The following PAK3 variants were observed in gnomAD, a reference collection of about 807,000 sequenced individuals.
PAK3 encodes serine/threonine-protein kinase PAK 3.
Under a neutral mutation model 41.0 loss-of-function variants are expected in PAK3, and 4 were observed. That is an observed-to-expected ratio of 0.10 (90% CI 0.05 to 0.22). PAK3 has a LOEUF of 0.22. Among genes scored for constraint, PAK3 ranks in the 10% least tolerant of loss-of-function variants. The pLI, the probability that PAK3 is intolerant of heterozygous loss-of-function variation, is 1.00. For missense variants in PAK3, 205 were observed against 409.9 expected, an observed-to-expected ratio of 0.50 and a Z score of 4.32; for synonymous variants, 146 against 139.6, an observed-to-expected ratio of 1.05 and a Z score of -0.32.
chrX:111,155,528 G>A (rs1174996757), intron 8 of PAK3, among the ~76,000 whole-genome samples: 1 of 109,302 alleles, frequency 9.1e-6, no homozygotes, highest in Non-Finnish European at 1.9e-5. Flanking sequence ...CAACAATATG[G>A]ATAGTATTAC....
chrX:111,192,467 A>C (rs1327498394), intron 12 of PAK3, 39 bp from the exon 13 acceptor site: 1 of 719,264 alleles, frequency 1.4e-6, no homozygotes, highest in Admixed American at 2.2e-5. Flanking sequence ...GTTTATTATA[A>C]TGATTGTAAT....
intron 16 of PAK3, among the ~76,000 whole-genome samples, chrX:111,203,765 G>A (rs1267916234): frequency 1.8e-5 from 2 of 112,056 alleles, no homozygotes; most frequent in Admixed American, 1.9e-4. Context: ...CAAGCACTGG[G>A]ACTTTGCTGT....
intron 1 of PAK3, among the ~76,000 whole-genome samples, chrX:111,014,700 C>T (rs1197987616): frequency 9.0e-6 from 1 of 111,652 alleles, no homozygotes; most frequent in Admixed American, 9.5e-5. Flanking sequence ...ACTGCTAAGC[C>T]CCCAAGCCTG....
At chrX:111,067,023 C>T (rs2092706771) in intron 1 of PAK3, among the ~76,000 whole-genome samples, 1 of 112,036 alleles carries the variant, frequency 8.9e-6, no homozygotes, top group African/African-American at 3.2e-5. Context: ...TTTCATTTAA[C>T]CACCCTCCTG....
intron 1 of PAK3, among the ~76,000 whole-genome samples, chrX:111,025,974 A>T (rs1948727442): frequency 8.9e-6 from 1 of 112,089 alleles, no homozygotes; most frequent in South Asian, 3.7e-4. Context: ...AGTGAGTTTC[A>T]TATGAGGGAT....
chrX:110,984,508 A>T (rs1722121416), intron 1 of PAK3, among the ~76,000 whole-genome samples: 1 of 111,342 alleles, frequency 9.0e-6, no homozygotes, highest in African/African-American at 3.3e-5. Flanking sequence ...TGGAGAGGGG[A>T]TAGAACAGTG....
intron 8 of PAK3, among the ~76,000 whole-genome samples, chrX:111,155,786 T>C (rs1378259548): frequency 7.2e-5 from 8 of 111,255 alleles, no homozygotes; most frequent in Non-Finnish European, 1.5e-4. Context: ...GCATTTTAAG[T>C]AAAAAGAAAA....
chrX:110,997,287 T>C (rs2091757381), intron 1 of PAK3, among the ~76,000 whole-genome samples: 2 of 110,972 alleles, frequency 1.8e-5, no homozygotes, highest in South Asian at 3.9e-4. Context: ...GAGCAGAGGG[T>C]AATATCATCT....
intron 1 of PAK3, among the ~76,000 whole-genome samples, chrX:111,014,439 G>A (rs968934954): frequency 9.0e-6 from 1 of 111,447 alleles, no homozygotes; most frequent in Non-Finnish European, 1.9e-5. Flanking sequence ...AGAAGTTGGG[G>A]GTGAGAAAGT....
At chrX:110,970,285 C>T (rs915826930) in intron 1 of PAK3, among the ~76,000 whole-genome samples, 11 of 111,206 alleles carry the variant, frequency 9.9e-5, no homozygotes, top group African/African-American at 2.9e-4. Context: ...TGTTTAAGTT[C>T]CTTGTAGATT....
At chrX:111,015,247 G>T (rs2092070846) in intron 1 of PAK3, among the ~76,000 whole-genome samples, 1 of 110,221 alleles carries the variant, frequency 9.1e-6, no homozygotes, top group Non-Finnish European at 1.9e-5. Flanking sequence ...ATGTCCTCCA[G>T]GTTGATCCAT....
At chrX:111,210,393 G>A (rs754046635) in intron 16 of PAK3, among the ~76,000 whole-genome samples, 2 of 110,698 alleles carry the variant, frequency 1.8e-5, no homozygotes, top group East Asian at 2.9e-4. Context: ...CCTCCCTTTG[G>A]TGATGACATC....
intron 4 of PAK3, among the ~76,000 whole-genome samples, chrX:111,104,726 T>A (rs1201039426): frequency 8.9e-6 from 1 of 111,865 alleles, no homozygotes; most frequent in Non-Finnish European, 1.9e-5. Context: ...GATACCATTT[T>A]CTCCTATGAT....
Position 111,025,451 on chromosome X carries a change from C to T in PAK3, c.-28+80823C>T, listed in dbSNP as rs780854516. The stretch of plus-strand genomic sequence containing the variant: ...CAAATAAACACAATTAGAAACAAAA[C>T]GGGAGATATTACAACCAACACCACA... On this transcript the variant is annotated intron_variant, in intron 1 of 14. Transcript: ENST00000425146. 8.8e-4 allele frequency among the ~76,000 whole-genome samples: 98 copies of T among 111,080 alleles called. 1 individual carries two copies. The highest frequency in any genetic ancestry group is 1.2e-3 in the Non-Finnish European group (64 of 52,768).
intron 5 of PAK3, among the ~76,000 whole-genome samples, chrX:111,140,821 A>C (rs1343101005): frequency 9.0e-6 from 1 of 111,396 alleles, no homozygotes; most frequent in Non-Finnish European, 1.9e-5. Flanking sequence ...GATAAGGAAC[A>C]GTGAGAGAGA....
chrX:111,214,673 T>C (rs761131929), intron 16 of PAK3, among the ~76,000 whole-genome samples: 62 of 111,356 alleles, frequency 5.6e-4, no homozygotes, highest in African/African-American at 2.0e-3. Context: ...TGCTATAAAG[T>C]TGACAGCCAC....
At chrX:111,025,375 A>C (rs1328349029) in intron 1 of PAK3, among the ~76,000 whole-genome samples, 2 of 111,805 alleles carry the variant, frequency 1.8e-5, no homozygotes, top group Non-Finnish European at 3.8e-5. Context: ...AAAGATAAAT[A>C]AAATTGATAG....
intron 16 of PAK3, among the ~76,000 whole-genome samples, chrX:111,199,707 T>C (rs2094657763): frequency 8.9e-6 from 1 of 111,742 alleles, no homozygotes; most frequent in South Asian, 3.7e-4. Flanking sequence ...GATTGTCAAG[T>C]AGAAAATGAT....
intron 1 of PAK3, among the ~76,000 whole-genome samples, chrX:111,027,455 TCAAA>T (rs2092286755): frequency 9.0e-6 from 1 of 110,570 alleles, no homozygotes; most frequent in Non-Finnish European, 1.9e-5. Flanking sequence ...TACAAAGAAC[TCAAA>T]CAAATCAGCG....
Sources: allele counts gnomAD v4.1 joint callset (sites outside exome capture counted in the v4.1 genomes callset), GRCh38; gene constraint gnomAD v4.1.1; transcripts MANE v1.5; gene names NCBI Gene and HGNC (gene_info 2026-07-23, HGNC 2026-07-21).